The following KMT2C variants were observed in gnomAD, a reference collection of about 807,000 sequenced individuals.
KMT2C encodes the protein lysine methyltransferase 2C.
KMT2C carries 88 observed loss-of-function variants against 507.9 expected under a neutral mutation model. That is an observed-to-expected ratio of 0.17 (90% CI 0.15 to 0.21). The LOEUF (loss-of-function observed/expected upper bound fraction) is 0.21, where lower values mean the gene tolerates loss of function less well. KMT2C is among the 10% of genes least tolerant of loss of function. The pLI, the probability that KMT2C is intolerant of heterozygous loss-of-function variation, is 1.00. For missense variants in KMT2C, 4,954 were observed against 5,957.8 expected, an observed-to-expected ratio of 0.83 and a Z score of 5.55; for synonymous variants, 2,049 against 2,080.8, an observed-to-expected ratio of 0.98 and a Z score of 0.42.
intron 6 of KMT2C, among the ~76,000 whole-genome samples, chr7:152,280,502 GACTGC>G (rs78102039): frequency 0.23 from 35,040 of 151,230 alleles, 4,480 homozygotes; most frequent in Middle Eastern, 0.34. Context: ...AGTGAGCCGA[GACTGC>G]ACCACTGCAC....
At chr7:152,178,262 AAAAATG>A (rs1563267187) in intron 37 of KMT2C, among the ~76,000 whole-genome samples, 3 of 152,174 alleles carry the variant, frequency 2.0e-5, no homozygotes, top group Admixed American at 2.0e-4. Flanking sequence ...AACAGATAAC[AAAAATG>A]AAGACAAAGG....
At chr7:152,389,477 ACT>A (rs981125525) in intron 1 of KMT2C, among the ~76,000 whole-genome samples, 44 of 148,018 alleles carry the variant, frequency 3.0e-4, no homozygotes, top group African/African-American at 9.0e-4. Context: ...CTAATTATTT[ACT>A]TTTTTTTTTT....
At chr7:152,139,866 A>T in intron 55 of KMT2C, 75 bp from the exon 56 acceptor site, 1 of 1,012,196 alleles carries the variant, frequency 9.9e-7, no homozygotes. Context: ...CAAAGGTTTC[A>T]CCCTCGGGTC....
At chr7:152,213,712 G>A (rs1247998993) in intron 23 of KMT2C, among the ~76,000 whole-genome samples, 7 of 150,276 alleles carry the variant, frequency 4.7e-5, no homozygotes, top group Non-Finnish European at 7.4e-5. Flanking sequence ...AAATAAGCAA[G>A]TGGGACTACA....
At chr7:152,226,319 G>A (rs180908188) in intron 18 of KMT2C, among the ~76,000 whole-genome samples, 5 of 133,092 alleles carry the variant, frequency 3.8e-5, no homozygotes, top group Admixed American at 3.5e-4. Flanking sequence ...TAAAACCTCC[G>A]CCTCCCATGT....
In KMT2C at chr7:152,332,453, TCTTTC is replaced by T. The variant is rs2096893013; in HGVS notation, c.251-1719_251-1715del. On this transcript the variant is annotated intron_variant, in intron 2 of 58. Coordinates refer to ENST00000262189, the MANE Select transcript of KMT2C (RefSeq NM_170606.3). ...AGTCCTTTCAAGCGCCTCTTCTCTG[TCTTTC>T]CTTTTACCACCAAATTCATGAGATG... 2.6e-5 allele frequency among the ~76,000 whole-genome samples: 4 copies of T among 152,318 alleles called. No homozygotes were observed. In the South Asian group the frequency reaches 8.3e-4, roughly 32 times the overall value.
At chr7:152,401,620 A>G (rs1468889504) in intron 1 of KMT2C, among the ~76,000 whole-genome samples, 1 of 152,254 alleles carries the variant, frequency 6.6e-6, no homozygotes, top group Non-Finnish European at 1.5e-5. Flanking sequence ...GAACCTAGGA[A>G]GCGGAGGTTG....
intron 34 of KMT2C, 110 bp from the exon 35 acceptor site, chr7:152,183,266 A>C: frequency 1.2e-6 from 1 of 831,932 alleles, no homozygotes; most frequent in Non-Finnish European, 1.8e-6. Context: ...GTCAGGTAAA[A>C]TAGCTGAAAT....
At chr7:152,300,350 T>C (rs1197473549) in intron 6 of KMT2C, among the ~76,000 whole-genome samples, 2 of 152,222 alleles carry the variant, frequency 1.3e-5, no homozygotes, top group African/African-American at 4.8e-5. Flanking sequence ...ATCTAGACTA[T>C]GGAAATAATG....
At chr7:152,166,027 T>G (rs2092712899) in intron 42 of KMT2C, among the ~76,000 whole-genome samples, 1 of 152,138 alleles carries the variant, frequency 6.6e-6, no homozygotes. Flanking sequence ...ATGAATCAGT[T>G]TGTAAAATGG....
chr7:152,297,097 G>T lies in KMT2C; in HGVS notation c.849+12869C>A, dbSNP rs143203799. On this transcript the variant is annotated intron_variant, in intron 6 of 58. Coordinates refer to ENST00000262189, the MANE Select transcript of KMT2C (RefSeq NM_170606.3). The stretch of plus-strand genomic sequence containing the variant: ...AGAGAGAGAGAGAGAGAGAGAGAAA[G>T]AAAGAAAGACGTGAATATATGTGAA... Among the ~76,000 whole-genome samples, 69 of 150,632 alleles carry T rather than the reference G, an allele frequency of 4.6e-4. 1 individual carries two copies. Among genetic ancestry groups the T allele is most frequent in the Admixed American group, 1.8e-3 (27 of 15,132 alleles).
rs1311099197 is a variant in KMT2C, at chr7:152,180,718, A to G, written c.7142T>C (p.Leu2381Ser). 6.2e-7 allele frequency: 1 copy of G among 1,608,488 alleles called. No homozygotes were observed. Among genetic ancestry groups the G allele is most frequent in the African/African-American group, 1.3e-5 (1 of 74,666 alleles). Residue 2381 changes from leucine to serine, a missense_variant, in exon 36 of 59, where the codon TTG becomes TCG. This residue lies in a region of KMT2C where 1,689 missense variants were observed against 1,654.3 expected (regional missense o/e 1.02). Coordinates refer to ENST00000262189, the MANE Select transcript of KMT2C (RefSeq NM_170606.3). ...AACATACAATGTGTTTACCTGTCTC[A>G]ATTTCTCTGTATCTGCTTGGGCCAT... ...VNMAQADTEK[L>S]RQRQKLREII... is the part of the protein sequence containing the mutation.
intron 4 of KMT2C, 134 bp downstream of exon 4, chr7:152,315,004 T>C (rs2096709939): frequency 2.9e-6 from 2 of 689,272 alleles, no homozygotes; most frequent in Non-Finnish European, 4.8e-6. Flanking sequence ...TGAGTCAGAG[T>C]ATCCCATAAA....
intron 33 of KMT2C, among the ~76,000 whole-genome samples, chr7:152,186,396 GT>G (rs1210547564): frequency 6.6e-6 from 1 of 152,206 alleles, no homozygotes; most frequent in Admixed American, 6.5e-5. Context: ...AACAGCAAAT[GT>G]AAGCATGGAA....
At chr7:152,390,284 T>TA in intron 1 of KMT2C, among the ~76,000 whole-genome samples, 1 of 152,304 alleles carries the variant, frequency 6.6e-6, no homozygotes, top group Non-Finnish European at 1.5e-5. Context: ...GACATCATTC[T>TA]ACCATAAGTT....
intron 1 of KMT2C, among the ~76,000 whole-genome samples, chr7:152,399,133 C>A (rs985111816): frequency 6.6e-6 from 1 of 152,060 alleles, no homozygotes; most frequent in Non-Finnish European, 1.5e-5. Context: ...CCAGCCAGTA[C>A]TCGCTTTTAT....
At chr7:152,290,294 A>ATTTTT (rs869073980) in intron 6 of KMT2C, among the ~76,000 whole-genome samples, 2 of 21,418 alleles carry the variant, frequency 9.3e-5, no homozygotes, top group Admixed American at 1.1e-3. Context: ...ATATATATAT[A>ATTTTT]TTTTTTTTTT....
At chr7:152,399,304 C>A (rs2097556828) in intron 1 of KMT2C, among the ~76,000 whole-genome samples, 1 of 152,090 alleles carries the variant, frequency 6.6e-6, no homozygotes, top group African/African-American at 2.4e-5. Flanking sequence ...AATAGCAGAT[C>A]AAACATATAC....
At position 152,199,459 on chromosome 7, in the gene KMT2C, C is replaced by A. The variant is rs2129133188; in HGVS notation, c.4093G>T (p.Glu1365Ter). ...AGAAGATCTTTTCCAAAGAAAGCTT[C>A]CTAGATGAAGATAAGCACATACAAA... ...LEETFPAYLQEAFFGKDLLDT... is the reference protein window; with the variant it reads ...LEETFPAYLQ The change falls in exon 27 of 59, where the codon GAA (glutamate) becomes TAA (stop). Residue 1365 changes from glutamate to a stop codon, truncating the protein, a stop_gained and splice_region_variant. Coordinates refer to ENST00000262189, the MANE Select transcript of KMT2C (RefSeq NM_170606.3). LOFTEE classifies it high-confidence loss of function. 4 of 1,542,268 alleles carry A rather than the reference C, an allele frequency of 2.6e-6. No individual in the cohort carries two copies. The highest frequency in any genetic ancestry group is 2.3e-5 in the Admixed American group (1 of 43,346).
Sources: gnomAD v4.1 joint callset for allele counts (sites outside exome capture counted in the v4.1 genomes callset) on GRCh38, gnomAD v4.1.1 for gene constraint, gnomAD v4.1.1 regional missense constraint, MANE v1.5 for transcripts, NCBI Gene and HGNC (gene_info 2026-07-23, HGNC 2026-07-21) for gene names.